The following TMTC2 variants were observed in gnomAD, a reference collection of about 807,000 sequenced individuals.
The protein encoded by TMTC2 is protein O-mannosyl-transferase TMTC2.
A neutral mutation model predicts 82.4 loss-of-function variants in TMTC2; 43 were observed. The observed-to-expected ratio is 0.52, with a 90% CI of 0.41 to 0.67. TMTC2 has a LOEUF of 0.67. Among genes scored for constraint, TMTC2 ranks in the 30% least tolerant of loss-of-function variants. The pLI, the probability that TMTC2 is intolerant of heterozygous loss-of-function variation, is 0.00. For synonymous variants in TMTC2, 408 were observed against 381.9 expected, an observed-to-expected ratio of 1.07 and a Z score of -0.80; for missense variants, 919 against 1,012.4, an observed-to-expected ratio of 0.91 and a Z score of 1.25.
chr12:82,718,857 T>C (rs1201421700), intron 1 of TMTC2, among the ~76,000 whole-genome samples: 1 of 151,732 alleles, frequency 6.6e-6, no homozygotes, highest in Non-Finnish European at 1.5e-5. Flanking sequence ...CATATAGAAA[T>C]TGTGGATCCA....
chr12:82,955,505 G>A (rs1395750954), intron 4 of TMTC2, among the ~76,000 whole-genome samples: 2 of 152,052 alleles, frequency 1.3e-5, no homozygotes, highest in African/African-American at 2.4e-5. Context: ...GGGGAGATGG[G>A]AGAAAAGATG....
chr12:82,706,040 G>A (rs1418198839), intron 1 of TMTC2, among the ~76,000 whole-genome samples: 1 of 152,116 alleles, frequency 6.6e-6, no homozygotes, highest in Admixed American at 6.6e-5. Context: ...TGGGTGAGGT[G>A]GCTCCTGCCT....
chr12:82,713,182 G>A (rs575724705), intron 1 of TMTC2, among the ~76,000 whole-genome samples: 8 of 152,220 alleles, frequency 5.3e-5, no homozygotes, highest in African/African-American at 1.4e-4. Flanking sequence ...TTAGCTGGGC[G>A]TGGTGGCACA....
intron 4 of TMTC2, among the ~76,000 whole-genome samples, chr12:82,937,925 T>TTA (rs1555199278): frequency 4.4e-4 from 42 of 94,904 alleles, no homozygotes; most frequent in East Asian, 2.0e-3. Flanking sequence ...TTTTTTTATT[T>TTA]TTTTTTTTTG....
At chr12:82,915,673 C>T (rs953416315) in intron 3 of TMTC2, among the ~76,000 whole-genome samples, 2 of 152,158 alleles carry the variant, frequency 1.3e-5, no homozygotes, top group Non-Finnish European at 2.9e-5. Context: ...GTTTGGAAAT[C>T]GTAATTCTGT....
At chr12:83,121,661 G>A (rs898553909) in intron 11 of TMTC2, among the ~76,000 whole-genome samples, 2 of 152,048 alleles carry the variant, frequency 1.3e-5, no homozygotes, top group African/African-American at 4.8e-5. Flanking sequence ...TTCCCAGAGA[G>A]CATAAGCTGT....
chr12:83,007,275 A>G (rs924384709), intron 8 of TMTC2, among the ~76,000 whole-genome samples: 1 of 152,052 alleles, frequency 6.6e-6, no homozygotes, highest in African/African-American at 2.4e-5. Flanking sequence ...CTTGAGGTAT[A>G]AAGGTAGGTT....
At chr12:82,731,488 C>G (rs997454760) in intron 1 of TMTC2, among the ~76,000 whole-genome samples, 1 of 152,178 alleles carries the variant, frequency 6.6e-6, no homozygotes, top group African/African-American at 2.4e-5. Flanking sequence ...AGGCCATATA[C>G]AAATTTTAGA....
intron 9 of TMTC2, among the ~76,000 whole-genome samples, chr12:83,034,296 G>A (rs982481742): frequency 6.6e-6 from 1 of 152,060 alleles, no homozygotes; most frequent in African/African-American, 2.4e-5. Context: ...CTATTAAAGG[G>A]CTACGTTCAT....
intron 4 of TMTC2, among the ~76,000 whole-genome samples, chr12:82,931,529 T>G (rs1179648816): frequency 6.6e-6 from 1 of 152,208 alleles, no homozygotes; most frequent in Non-Finnish European, 1.5e-5. Context: ...TGAGAACATT[T>G]TGTTTATAAG....
chr12:82,860,066 C>T (rs1375686062), intron 2 of TMTC2, among the ~76,000 whole-genome samples: 1 of 152,088 alleles, frequency 6.6e-6, no homozygotes, highest in Admixed American at 6.5e-5. Context: ...CTCTGCCTCC[C>T]GGGTTCAAGC....
chr12:82,903,212 G>A (rs916738432), intron 3 of TMTC2, among the ~76,000 whole-genome samples: 5 of 152,114 alleles, frequency 3.3e-5, no homozygotes, highest in East Asian at 1.9e-4. Flanking sequence ...TGACTGCCCT[G>A]CTATAAATTA....
intron 1 of TMTC2, among the ~76,000 whole-genome samples, chr12:82,783,252 ATTTTTTT>A (rs1877996765): frequency 1.7e-5 from 2 of 120,590 alleles, no homozygotes; most frequent in African/African-American, 6.3e-5. Flanking sequence ...GGTTTAAATA[ATTTTTTT>A]GTAGCTGTTT....
intron 10 of TMTC2, 116 bp downstream of exon 10, chr12:83,051,134 T>G: frequency 1.5e-6 from 1 of 666,282 alleles, no homozygotes; most frequent in Non-Finnish European, 2.4e-6. Flanking sequence ...ATCACGCTGC[T>G]TAACTATGTA....
chr12:82,795,012 T>C (rs1313447488), intron 1 of TMTC2, among the ~76,000 whole-genome samples: 2 of 151,984 alleles, frequency 1.3e-5, no homozygotes, highest in Admixed American at 6.6e-5. Context: ...GAATCCGAAG[T>C]TGAGAAAATT....
At chr12:82,938,644 G>A (rs560132667) in intron 4 of TMTC2, among the ~76,000 whole-genome samples, 8 of 152,098 alleles carry the variant, frequency 5.3e-5, no homozygotes, top group Non-Finnish European at 1.0e-4. Context: ...CAACTCAGCC[G>A]GCCCTTTACT....
At chr12:83,073,924 C>T (rs185773231) in intron 11 of TMTC2, among the ~76,000 whole-genome samples, 1 of 152,206 alleles carries the variant, frequency 6.6e-6, no homozygotes, top group African/African-American at 2.4e-5. Flanking sequence ...CTTTGTCTTT[C>T]TCTGGTGCCT....
chr12:82,845,252 A>AAAAATATAT (rs1555190264), intron 1 of TMTC2, among the ~76,000 whole-genome samples: 3 of 38,802 alleles, frequency 7.7e-5, no homozygotes, highest in African/African-American at 3.1e-4. Context: ...AAAAAAAAAA[A>AAAAATATAT]ATATATATAT....
chr12:83,027,346 C>T (rs1372734095), intron 8 of TMTC2, among the ~76,000 whole-genome samples: 1 of 152,084 alleles, frequency 6.6e-6, no homozygotes, highest in Non-Finnish European at 1.5e-5. Flanking sequence ...ACCTTTATCC[C>T]TGGTTGGCTT....
Sources: gnomAD v4.1 joint callset for allele counts (sites outside exome capture counted in the v4.1 genomes callset) on GRCh38, gnomAD v4.1.1 for gene constraint, MANE v1.5 for transcripts, NCBI Gene and HGNC (gene_info 2026-07-23, HGNC 2026-07-21) for gene names.